Variants in PBX4 observed in about 807,000 individuals in gnomAD.
PBX4 encodes pre-B-cell leukemia transcription factor 4.
In PBX4, 26 loss-of-function variants were observed where a neutral mutation model predicts 35.1. The observed-to-expected ratio is 0.74, with a 90% CI of 0.54 to 1.03. The LOEUF (loss-of-function observed/expected upper bound fraction) is 1.03, where lower values mean the gene tolerates loss of function less well. Ranked by LOEUF, PBX4 falls within the 50% of genes least tolerant of loss-of-function variation. The pLI is 0.00. For synonymous variants in PBX4, 199 were observed against 204.2 expected, an observed-to-expected ratio of 0.97 and a Z score of 0.22; for missense variants, 448 against 504.3, an observed-to-expected ratio of 0.89 and a Z score of 1.07.
chr19:19,570,340 G>T, intron 3 of PBX4, 41 bp from the exon 4 acceptor site: 1 of 1,562,720 alleles, frequency 6.4e-7, no homozygotes, highest in South Asian at 1.2e-5. Context: ...TGACTAGGCA[G>T]CAGGGTGGCA....
At chr19:19,579,141 T>C (rs925371347) in intron 2 of PBX4, among the ~76,000 whole-genome samples, 4 of 151,912 alleles carry the variant, frequency 2.6e-5, no homozygotes, top group Non-Finnish European at 5.9e-5. Flanking sequence ...ACAAGGTCAA[T>C]AGATCGAGAC....
Position 19,563,678 on chromosome 19 carries a change from G to A in PBX4, c.926-63C>T. ...CGCCTCCTCAGGTGGAACCCACCCAGCCCCTCAGCCGGCAGGAGGCCTCGA... is the reference window on the plus strand; with the variant it reads ...CGCCTCCTCAGGTGGAACCCACCCAACCCCTCAGCCGGCAGGAGGCCTCGA... On this transcript the variant is annotated intron_variant, in intron 6 of 7. Coordinates refer to ENST00000251203, the MANE Select transcript of PBX4 (RefSeq NM_025245.3). The surrounding 1 kb of genome is among the most constrained non-coding windows in gnomAD (Gnocchi z 5.1). 1 of 1,387,136 alleles carries A rather than the reference G, an allele frequency of 7.2e-7. No individual in the cohort carries two copies. Among genetic ancestry groups the A allele is most frequent in the Non-Finnish European group, 1.0e-6 (1 of 1,001,150 alleles). 85.9% of individuals were successfully genotyped at this position (1,387,136 alleles called of 1,614,324 possible).
At chr19:19,568,252 C>T (rs532905966) in intron 5 of PBX4, among the ~76,000 whole-genome samples, 27 of 147,514 alleles carry the variant, frequency 1.8e-4, no homozygotes, top group African/African-American at 6.3e-4. Flanking sequence ...AGGGAGCTCA[C>T]ACTCCATCTG....
intron 1 of PBX4, among the ~76,000 whole-genome samples, chr19:19,610,074 G>A (rs928630795): frequency 8.5e-5 from 13 of 152,172 alleles, no homozygotes; most frequent in Admixed American, 3.3e-4. Context: ...TTTCAAAGGG[G>A]ATTTTGCCAA....
At chr19:19,571,023 C>A (rs541101425) in intron 2 of PBX4, among the ~76,000 whole-genome samples, 190 bp from the exon 3 acceptor site, 1 of 152,334 alleles carries the variant, frequency 6.6e-6, no homozygotes, top group East Asian at 1.9e-4. Context: ...GGTCCAAGTG[C>A]CATCCTTAGA....
chr19:19,594,465 C>T (rs909844843), intron 2 of PBX4, among the ~76,000 whole-genome samples: 2 of 151,482 alleles, frequency 1.3e-5, no homozygotes, highest in African/African-American at 2.4e-5. Flanking sequence ...GGAGGTGGGG[C>T]GACACCAGCG....
chr19:19,575,600 C>CTCTCCTGCCCTT (rs2061414896), intron 2 of PBX4, among the ~76,000 whole-genome samples: 3 of 152,146 alleles, frequency 2.0e-5, no homozygotes, highest in Admixed American at 2.0e-4. Context: ...TGTGCTAACC[C>CTCTCCTGCCCTT]TCTCCTGCCC....
intron 5 of PBX4, among the ~76,000 whole-genome samples, chr19:19,566,009 C>T (rs949564283): frequency 1.1e-4 from 17 of 152,094 alleles, no homozygotes; most frequent in South Asian, 4.2e-4. Context: ...GAGTTCCTCC[C>T]GCCCTGGCCT....
intron 2 of PBX4, among the ~76,000 whole-genome samples, chr19:19,577,559 T>A (rs1200823263): frequency 6.6e-6 from 1 of 152,170 alleles, no homozygotes; most frequent in Non-Finnish European, 1.5e-5. Flanking sequence ...GTGATAAGCC[T>A]TATTTCTTTA....
chr19:19,564,612 G>C (rs972172728), intron 6 of PBX4, among the ~76,000 whole-genome samples: 1 of 152,090 alleles, frequency 6.6e-6, no homozygotes, highest in Non-Finnish European at 1.5e-5. Context: ...TGTTGGCCAG[G>C]CTGGTCTCAA....
rs778361318 is a variant in PBX4, at chr19:19,576,369, G to C, written c.194-5536C>G. Among the ~76,000 whole-genome samples the C allele has an allele frequency of 3.1e-3, 470 of 152,052 alleles. 2 individuals are homozygous for C. Among genetic ancestry groups the C allele is most frequent in the Middle Eastern group, 6.8e-3 (2 of 294 alleles). Reference sequence around the variant, plus strand: ...GCCTCCCAAGTAGCTGGGATTACAGGCACACGCCACCATGCCCAGCTAATT... The same window carrying C: ...GCCTCCCAAGTAGCTGGGATTACAGCCACACGCCACCATGCCCAGCTAATT... On this transcript the variant is annotated intron_variant, in intron 2 of 7. Transcript: ENST00000251203.
chr19:19,579,904 CA>C, intron 2 of PBX4: 1 of 152,578 alleles, frequency 6.6e-6, no homozygotes, highest in East Asian at 1.9e-4. Context: ...CCTCCTGTGC[CA>C]ATCAATCGAT....
intron 2 of PBX4, among the ~76,000 whole-genome samples, chr19:19,593,706 A>C (rs897130553): frequency 6.6e-6 from 1 of 152,174 alleles, no homozygotes; most frequent in African/African-American, 2.4e-5. Flanking sequence ...ACTGTACCCC[A>C]AAACATACCC....
intron 1 of PBX4, among the ~76,000 whole-genome samples, chr19:19,603,036 C>CTGCCA (rs1300390967): frequency 1.3e-5 from 2 of 152,166 alleles, no homozygotes; most frequent in African/African-American, 4.8e-5. Context: ...TCAAACTTGC[C>CTGCCA]TGCCATGCCA....
intron 2 of PBX4, among the ~76,000 whole-genome samples, chr19:19,592,263 C>T (rs979734447): frequency 4.6e-5 from 7 of 152,196 alleles, no homozygotes; most frequent in African/African-American, 1.7e-4. Context: ...GACTGTGGCC[C>T]GTATCTGGTT....
chr19:19,581,974 G>C (rs1369456032), intron 2 of PBX4, among the ~76,000 whole-genome samples: 1 of 152,160 alleles, frequency 6.6e-6, no homozygotes, highest in African/African-American at 2.4e-5. Context: ...CCCCAGGAGA[G>C]TGCCCTGGGA....
chr19:19,609,392 A>C (rs1427966074), intron 1 of PBX4, among the ~76,000 whole-genome samples: 1 of 152,022 alleles, frequency 6.6e-6, no homozygotes, highest in East Asian at 1.9e-4. Context: ...TCTACTAAAA[A>C]TACAAAATTA....
intron 5 of PBX4, among the ~76,000 whole-genome samples, chr19:19,567,081 G>C (rs1223012098): frequency 6.6e-6 from 1 of 152,202 alleles, no homozygotes; most frequent in African/African-American, 2.4e-5. Context: ...TGTGCTCTCT[G>C]TTCCAAACAT....
chr19:19,572,189 C>T (rs1169811693), intron 2 of PBX4, among the ~76,000 whole-genome samples: 1 of 149,834 alleles, frequency 6.7e-6, no homozygotes, highest in Non-Finnish European at 1.5e-5. Context: ...ATTCTCCTGC[C>T]TCAGCCTCCC....
Sources: allele counts gnomAD v4.1 joint callset (sites outside exome capture counted in the v4.1 genomes callset), GRCh38; gene constraint gnomAD v4.1.1; non-coding constraint Gnocchi (gnomAD v3.1); transcripts MANE v1.5; gene names NCBI Gene and HGNC (gene_info 2026-07-23, HGNC 2026-07-21).